TMEM138: variants seen among roughly 807,000 people sequenced by gnomAD.
TMEM138 encodes transmembrane protein 138.
A neutral mutation model predicts 18.1 loss-of-function variants in TMEM138; 9 were observed. The ratio of observed to expected loss-of-function variants is 0.50; its 90% CI spans 0.30 to 0.87. The LOEUF (loss-of-function observed/expected upper bound fraction) is 0.87. TMEM138 is among the 40% of genes least tolerant of loss of function. The probability of loss-of-function intolerance (pLI) is 0.06; values close to 1 mark genes in which losing one functional copy is unlikely to be tolerated. For synonymous variants in TMEM138, 79 were observed against 74.8 expected, an observed-to-expected ratio of 1.06 and a Z score of -0.29; for missense variants, 189 against 190.6, an observed-to-expected ratio of 0.99 and a Z score of 0.05.
Position 61,368,667 on chromosome 11 carries a change from C to T in TMEM138, c.447C>T (p.Asp149=). ...VRLGDPHFYQ[D]SLWLRKEFMQ... ...TAGGCGATCCTCACTTCTACCAGGACTCTTTGTGGCTGCGCAAGGAGTTCA... is the reference window on the plus strand; with the variant it reads ...TAGGCGATCCTCACTTCTACCAGGATTCTTTGTGGCTGCGCAAGGAGTTCA... The change falls in exon 5 of 5, where the codon GAC becomes GAT. Residue 149 remains aspartate (D), a synonymous_variant. Coordinates refer to ENST00000278826, the MANE Select transcript of TMEM138 (RefSeq NM_016464.5). 1 of 1,614,188 alleles carries T rather than the reference C, an allele frequency of 6.2e-7. No homozygotes were observed. Among genetic ancestry groups the T allele is most frequent in the Non-Finnish European group, 8.5e-7 (1 of 1,180,040 alleles).
chr11:61,366,610 G>T, intron 3 of TMEM138: 1 of 161,782 alleles, frequency 6.2e-6, no homozygotes, highest in African/African-American at 2.4e-5. Flanking sequence ...TGGGATTACA[G>T]GCACGCACCA....
downstream of TMEM138, among the ~76,000 whole-genome samples, chr11:61,375,973 G>C (rs1858429387): frequency 6.6e-6 from 1 of 152,112 alleles, no homozygotes; most frequent in Non-Finnish European, 1.5e-5. Context: ...TCCACGGCTG[G>C]GCTCGGCTTT....
rs1858239048 is a variant in TMEM138 at position 61,368,578 on chromosome 11, T to C, written c.377-19T>C. On this transcript the variant is annotated intron_variant, in intron 4 of 4. Coordinates refer to ENST00000278826, the MANE Select transcript of TMEM138 (RefSeq NM_016464.5). ...CTCAGGAGCACCCCTGAGGCTTCTCTTCTGCTTCCTCCCCACAGCAGCAGT... is the reference window on the plus strand; with the variant it reads ...CTCAGGAGCACCCCTGAGGCTTCTCCTCTGCTTCCTCCCCACAGCAGCAGT... 1 of 1,581,608 alleles carries C rather than the reference T, an allele frequency of 6.3e-7. No individual in the cohort carries two copies. Among genetic ancestry groups the C allele is most frequent in the Non-Finnish European group, 8.7e-7 (1 of 1,151,884 alleles).
Position 61,367,994 on chromosome 11 carries a change from A to G in TMEM138, c.372A>G (p.Arg124=). The part of the protein sequence containing the change: ...DGLQMLFVFQ[R]LAAVLYCYFY... ...TTCAAATGCTGTTTGTATTCCAGAGACTAGGTAAGGACCAGAGCAAGGTCA... is the reference window on the plus strand; with the variant it reads ...TTCAAATGCTGTTTGTATTCCAGAGGCTAGGTAAGGACCAGAGCAAGGTCA... Residue 124 remains arginine, a synonymous_variant, in exon 4 of 5, where the codon AGA becomes AGG. Coordinates refer to ENST00000278826, the MANE Select transcript of TMEM138 (RefSeq NM_016464.5). The G allele has an allele frequency of 6.2e-7, 1 of 1,609,946 alleles. No homozygotes were observed. The highest frequency in any genetic ancestry group is 8.5e-7 in the Non-Finnish European group (1 of 1,176,180).
chr11:61,370,398 A>G (rs539261556), downstream of TMEM138, among the ~76,000 whole-genome samples: 2 of 152,378 alleles, frequency 1.3e-5, no homozygotes, highest in Non-Finnish European at 2.9e-5. Flanking sequence ...GTGAGAGCAC[A>G]GAAGATGAAT....
intron 2 of TMEM138, 37 bp downstream of exon 2, chr11:61,364,555 C>A: frequency 6.2e-7 from 1 of 1,612,282 alleles, no homozygotes; most frequent in East Asian, 2.2e-5. Context: ...GCTGAACCCA[C>A]GCAATTCAAA....
At chr11:61,375,232 A>G (rs1451084239), downstream of TMEM138, among the ~76,000 whole-genome samples, 2 of 151,850 alleles carry the variant, frequency 1.3e-5, no homozygotes, top group Admixed American at 6.6e-5. Context: ...AGCTTTAACA[A>G]TTGAGTATAC....
chr11:61,367,928 AC>A lies in TMEM138; in HGVS notation c.307del (p.Arg103AlafsTer23). On this transcript the variant is annotated frameshift_variant, in exon 4 of 5. Transcript: ENST00000278826. LOFTEE classifies it high-confidence loss of function. Reference sequence around the variant, plus strand: ...GTATCTCACATCTCCTTCAGAACTTACGCTGGAAAAACTCCAACAGCTTCAT... The same window carrying A: ...GTATCTCACATCTCCTTCAGAACTTAGCTGGAAAAACTCCAACAGCTTCAT... ...ISLHVWVMNL[R>X]WKNSNSFIWT... 9 of 1,610,916 alleles carry A rather than the reference AC, an allele frequency of 5.6e-6. No individual in the cohort carries two copies. The highest frequency in any genetic ancestry group is 7.6e-6 in the Non-Finnish European group (9 of 1,177,200).
intron 3 of TMEM138, chr11:61,367,182 C>T (rs1475195167): frequency 6.6e-6 from 1 of 152,202 alleles, no homozygotes; most frequent in African/African-American, 2.4e-5. Flanking sequence ...ATCACTTTAA[C>T]TAGGAGAACC....
Position 61,369,320 on chromosome 11 carries a change from A to T in TMEM138, c.*611A>T, listed in dbSNP as rs1858273707. The T allele has an allele frequency of 6.5e-6, 1 of 153,082 alleles. No individual in the cohort carries two copies. Among genetic ancestry groups the T allele is most frequent in the Non-Finnish European group, 1.5e-5 (1 of 68,684 alleles). 9.5% of individuals were successfully genotyped at this position (153,082 alleles called of 1,614,324 possible). A position where few individuals can be genotyped will look rare whatever the true frequency, so the allele number is the denominator to read the frequency against. ...GAAGATGGAGCCACAGATGAAATAC[A>T]GATCTTTGTTGAGATCCATTATGAG... On this transcript the variant is annotated 3_prime_UTR_variant, in exon 5 of 5. Coordinates refer to ENST00000278826, the MANE Select transcript of TMEM138 (RefSeq NM_016464.5).
At chr11:61,366,484 T>TC in intron 3 of TMEM138, 1 of 336,906 alleles carries the variant, frequency 3.0e-6, no homozygotes, top group Admixed American at 4.8e-5. Context: ...TTTTTTTTTT[T>TC]TTGAGACAGA....
At chr11:61,364,854 C>T (rs546461596) in intron 2 of TMEM138, 97 of 161,210 alleles carry the variant, frequency 6.0e-4, no homozygotes, top group South Asian at 3.4e-3. Context: ...ATGATCATGC[C>T]ACTGCACTCC....
chr11:61,376,780 C>G (rs1200383921), downstream of TMEM138, among the ~76,000 whole-genome samples: 1 of 152,188 alleles, frequency 6.6e-6, no homozygotes, highest in Non-Finnish European at 1.5e-5. Context: ...GGACATGACA[C>G]TTCACAACCT....
chr11:61,364,706 A>G, intron 2 of TMEM138, 188 bp downstream of exon 2: 1 of 667,962 alleles, frequency 1.5e-6, no homozygotes, highest in Non-Finnish European at 2.4e-6. Context: ...CCTAGGCAAC[A>G]TAGCAAGACC....
intron 3 of TMEM138, chr11:61,367,682 T>G: frequency 2.2e-6 from 1 of 463,178 alleles, no homozygotes; most frequent in Non-Finnish European, 3.9e-6. Context: ...TTGGCAAAGG[T>G]TATGGAATTA....
Position 61,365,911 on chromosome 11 carries a change from T to C in TMEM138, c.129-134T>C. ...TTCAGGTCCCAAAACCCATGTTATC[T>C]CTGTGAGGGTTTAAGATGTCAGATG... On this transcript the variant is annotated intron_variant, in intron 2 of 4. Transcript: ENST00000278826. 4 of 1,130,428 alleles carry C rather than the reference T, an allele frequency of 3.5e-6. No individual in the cohort carries two copies. The South Asian group carries it at 7.9e-5, about 22-fold the overall frequency. 70.0% of individuals were successfully genotyped at this position (1,130,428 alleles called of 1,614,324 possible).
downstream of TMEM138, among the ~76,000 whole-genome samples, chr11:61,374,068 C>G (rs1263524358): frequency 6.6e-6 from 1 of 151,342 alleles, no homozygotes; most frequent in Non-Finnish European, 1.5e-5. Flanking sequence ...GTCTCAAACT[C>G]CTGAGCTCAG....
chr11:61,371,959 C>T (rs551344301), downstream of TMEM138, among the ~76,000 whole-genome samples: 5 of 151,926 alleles, frequency 3.3e-5, no homozygotes, highest in South Asian at 4.2e-4. Flanking sequence ...GGGTGGATCA[C>T]GAGGTCAAGA....
At chr11:61,369,582 C>T (rs1049904033), downstream of TMEM138, 2 of 152,236 alleles carry the variant, frequency 1.3e-5, no homozygotes, top group Admixed American at 6.5e-5. Context: ...CACCAAAGTT[C>T]AGGGGCATAC....
Sources: allele counts gnomAD v4.1 joint callset (sites outside exome capture counted in the v4.1 genomes callset), GRCh38; gene constraint gnomAD v4.1.1; transcripts MANE v1.5; gene names NCBI Gene and HGNC (gene_info 2026-07-23, HGNC 2026-07-21).